Variants in NAV1 observed in about 807,000 individuals in gnomAD.
The protein encoded by NAV1 is pore membrane and/or filament interacting like protein 3.
Under a neutral mutation model 175.2 loss-of-function variants are expected in NAV1, and 18 were observed. The observed-to-expected ratio is 0.10, with a 90% CI of 0.07 to 0.15. NAV1 has a LOEUF of 0.15. Ranked by LOEUF, NAV1 falls within the 10% of genes least tolerant of loss-of-function variation. The pLI is 1.00. For missense variants in NAV1, 1,731 were observed against 2,436.6 expected, an observed-to-expected ratio of 0.71 and a Z score of 6.10; for synonymous variants, 897 against 978.7, an observed-to-expected ratio of 0.92 and a Z score of 1.56.
chr1:201,731,025 A>T (rs1225564607), intron 3 of NAV1, among the ~76,000 whole-genome samples: 1 of 152,058 alleles, frequency 6.6e-6, no homozygotes, highest in Non-Finnish European at 1.5e-5. Flanking sequence ...AAAGGCATAA[A>T]AGTATAGATT....
chr1:201,558,332 G>A (rs2819384), intron 1 of NAV1, among the ~76,000 whole-genome samples: 1 of 152,146 alleles, frequency 6.6e-6, no homozygotes, highest in Non-Finnish European at 1.5e-5. Context: ...GATTTTTCGG[G>A]GAAATGAATG....
intron 2 of NAV1, among the ~76,000 whole-genome samples, chr1:201,629,743 G>T (rs1668433782): frequency 6.6e-6 from 1 of 152,202 alleles, no homozygotes. Context: ...CCCAGGCTAT[G>T]GGAGTCACTG....
Position 201,648,623 on chromosome 1 carries a change from C to T in NAV1, c.-46C>T. 7.7e-7 allele frequency: 1 copy of T among 1,291,842 alleles called. No individual in the cohort carries two copies. Among genetic ancestry groups the T allele is most frequent in the Non-Finnish European group, 9.8e-7 (1 of 1,025,136 alleles). 80.0% of individuals were successfully genotyped at this position (1,291,842 alleles called of 1,614,324 possible). The stretch of plus-strand genomic sequence containing the variant: ...GCTCCCGCCCCCTGCCCCCTCCCCC[C>T]GTGCCTGCAGACGCGCGGATCGTCC... On this transcript the variant is annotated 5_prime_UTR_variant, in exon 1 of 30. Coordinates refer to ENST00000367296, the Ensembl canonical transcript of NAV1.
chr1:201,773,956 T>C (rs1164747227), intron 3 of NAV1, among the ~76,000 whole-genome samples: 1 of 152,204 alleles, frequency 6.6e-6, no homozygotes, highest in Admixed American at 6.5e-5. Context: ...GTGCCATTGT[T>C]CTTATAAGAA....
At chr1:201,620,131 G>A (rs1329495079), upstream of NAV1, among the ~76,000 whole-genome samples, 1 of 152,178 alleles carries the variant, frequency 6.6e-6, no homozygotes, top group African/African-American at 2.4e-5. Flanking sequence ...AGCTTAGGCT[G>A]TAACTGGTCC....
chr1:201,644,899 A>T (rs964513339), upstream of NAV1, among the ~76,000 whole-genome samples: 17 of 152,208 alleles, frequency 1.1e-4, no homozygotes, highest in African/African-American at 4.1e-4. Context: ...AAAACACCAG[A>T]TCAAATGAGA....
At chr1:201,747,453 C>T (rs1673842811) in intron 3 of NAV1, among the ~76,000 whole-genome samples, 1 of 152,192 alleles carries the variant, frequency 6.6e-6, no homozygotes, top group African/African-American at 2.4e-5. Context: ...GGAATTGTGG[C>T]TCAAAGGCCC....
intron 1 of NAV1, among the ~76,000 whole-genome samples, chr1:201,585,117 G>C (rs1666986017): frequency 6.6e-6 from 1 of 151,946 alleles, no homozygotes; most frequent in South Asian, 2.1e-4. Flanking sequence ...AGTCTCCCAA[G>C]CTTTGGGCAG....
At chr1:201,776,707 T>A (rs1571481743) in intron 3 of NAV1, among the ~76,000 whole-genome samples, 1 of 144,566 alleles carries the variant, frequency 6.9e-6, no homozygotes. Context: ...ATGTAGAAAA[T>A]CAGCCAAAAA....
In NAV1 at chr1:201,782,197, C is replaced by T; in HGVS notation, c.1685C>T (p.Thr562Ile). The change falls in exon 6 of 30, where the codon ACA becomes ATA. Residue 562 changes from threonine (T) to isoleucine (I), a missense_variant. Coordinates refer to ENST00000367296, the Ensembl canonical transcript of NAV1. This position sits in a 1 kb window ranked among gnomAD's most constrained non-coding sequence, Gnocchi z 5.4. ...GCAGGCAAACCTGAGGGCAAAGCTA[C>T]AGACAAGGGTAAGCTTGCAGTGAAG... The T allele has an allele frequency of 6.3e-7, 1 of 1,597,594 alleles. No homozygotes were observed. The highest frequency in any genetic ancestry group is 8.5e-7 in the Non-Finnish European group (1 of 1,171,808).
At chr1:201,551,953 T>C (rs185274913) in intron 1 of NAV1, among the ~76,000 whole-genome samples, 8 of 152,298 alleles carry the variant, frequency 5.3e-5, no homozygotes, top group Admixed American at 5.2e-4. Context: ...CCTTACTAAA[T>C]GTCATCACAA....
At chr1:201,763,515 G>A (rs1463684098) in intron 3 of NAV1, among the ~76,000 whole-genome samples, 2 of 152,196 alleles carry the variant, frequency 1.3e-5, no homozygotes, top group South Asian at 2.1e-4. Context: ...AGTACAGGAG[G>A]GGAAAGACTT....
intron 13 of NAV1, chr1:201,792,265 T>A (rs1677168086): frequency 6.6e-6 from 1 of 151,932 alleles, no homozygotes; most frequent in South Asian, 2.1e-4. Flanking sequence ...CTCTTCAGGA[T>A]TCCGTGACTC....
At chr1:201,547,531 C>T (rs1444176877) in intron 1 of NAV1, among the ~76,000 whole-genome samples, 3 of 152,126 alleles carry the variant, frequency 2.0e-5, no homozygotes, top group African/African-American at 4.8e-5. Context: ...TAGTGAACCA[C>T]GGGAGGAGAA....
chr1:201,642,525 T>TTTTCTTTCTTTCTTTCTTTCTTACTTTC (rs1668808612), intron 2 of NAV1, among the ~76,000 whole-genome samples: 1 of 100,306 alleles, frequency 1.0e-5, no homozygotes, highest in Admixed American at 1.1e-4. Flanking sequence ...TTCTTTCTTT[T>TTTTCTTTCTTTCTTTCTTTCTTACTTTC]TTTCTTTCTT....
At chr1:201,620,191 A>G (rs1668119406), upstream of NAV1, among the ~76,000 whole-genome samples, 1 of 152,120 alleles carries the variant, frequency 6.6e-6, no homozygotes, top group East Asian at 1.9e-4. Flanking sequence ...GCCATAAACA[A>G]TTCCTGTGGT....
intron 1 of NAV1, among the ~76,000 whole-genome samples, chr1:201,678,536 C>T (rs1044903542): frequency 6.6e-6 from 1 of 152,172 alleles, no homozygotes; most frequent in Non-Finnish European, 1.5e-5. Context: ...GGATTTGAAA[C>T]CTGCACTCTT....
At chr1:201,775,057 A>G (rs1337229142) in intron 3 of NAV1, among the ~76,000 whole-genome samples, 1 of 152,190 alleles carries the variant, frequency 6.6e-6, no homozygotes, top group African/African-American at 2.4e-5. Flanking sequence ...GGTAAGTCTA[A>G]AAACAAGAGG....
rs188586458 is a variant in NAV1, at chr1:201,717,833, C to G, written c.861-557C>G. 3.9e-5 allele frequency among the ~76,000 whole-genome samples: 6 copies of G among 152,342 alleles called. No individual in the cohort carries two copies. The East Asian group carries it at 1.2e-3, about 29-fold the overall frequency. On this transcript the variant is annotated intron_variant, in intron 2 of 29. Transcript: ENST00000367296. ...TTTCCTATATATGATGTTTGGGAAT[C>G]AGCTAGCCCTCAGCTAATTACTAGA...
Sources: gnomAD v4.1 joint callset for allele counts (sites outside exome capture counted in the v4.1 genomes callset) on GRCh38, gnomAD v4.1.1 for gene constraint, Gnocchi (gnomAD v3.1) non-coding constraint, MANE v1.5 for transcripts, NCBI Gene and HGNC (gene_info 2026-07-23, HGNC 2026-07-21) for gene names.